TIPIN: variants seen among roughly 807,000 people sequenced by gnomAD.
TIPIN encodes the protein TIMELESS-interacting protein.
In TIPIN, 29 loss-of-function variants were observed where a neutral mutation model predicts 35.6. The observed-to-expected ratio is 0.82, with a 90% CI of 0.61 to 1.11. The LOEUF (loss-of-function observed/expected upper bound fraction) is 1.11. Ranked by LOEUF, TIPIN falls within the 50% of genes most tolerant of loss-of-function variation. TIPIN has a pLI of 0.00. For missense variants in TIPIN, 296 were observed against 345.4 expected (o/e 0.86, Z 1.13); for synonymous variants, 102 against 121.5 (o/e 0.84, Z 1.06).
At chr15:66,370,483 G>A (rs1048865886) in intron 1 of TIPIN, among the ~76,000 whole-genome samples, 15 of 151,176 alleles carry the variant, frequency 9.9e-5, no homozygotes, top group Admixed American at 2.7e-4. Flanking sequence ...GGCTGGAGGG[G>A]AGGAGGGCCA....
chr15:66,374,093 T>G (rs913057339), intron 1 of TIPIN, among the ~76,000 whole-genome samples: 1 of 152,130 alleles, frequency 6.6e-6, no homozygotes. Flanking sequence ...AAACATTTAC[T>G]ATTTAGATTG....
intron 2 of TIPIN, 112 bp from the exon 3 acceptor site, chr15:66,352,319 A>C: frequency 2.5e-6 from 2 of 808,866 alleles, no homozygotes; most frequent in Non-Finnish European, 3.8e-6. Context: ...CTTTTTTTGA[A>C]ACAGGGTCTC....
chr15:66,366,779 A>AAAAG (rs1292433173), intron 1 of TIPIN: 109 of 944,706 alleles, frequency 1.2e-4, no homozygotes, highest in East Asian at 4.6e-4. Context: ...AAAAAAAAAA[A>AAAAG]AAAGAAAGAA....
chr15:66,344,983 T>A (rs557946400), intron 6 of TIPIN, among the ~76,000 whole-genome samples: 1 of 152,314 alleles, frequency 6.6e-6, no homozygotes, highest in African/African-American at 2.4e-5. Context: ...GCTAGAAATA[T>A]TCAGTGTGTT....
intron 1 of TIPIN, 54 bp from the exon 2 acceptor site, chr15:66,353,009 T>C (rs2093179064): frequency 2.0e-6 from 3 of 1,528,662 alleles, no homozygotes; most frequent in Admixed American, 1.9e-5. Flanking sequence ...CTCCACTATA[T>C]AGACAAGTTC....
At chr15:66,349,928 G>C (rs2093155508) in intron 4 of TIPIN, among the ~76,000 whole-genome samples, 1 of 150,958 alleles carries the variant, frequency 6.6e-6, no homozygotes, top group Non-Finnish European at 1.5e-5. Flanking sequence ...CAGTCTAAAA[G>C]AGCACTGGAT....
In TIPIN at chr15:66,364,268, C is replaced by T. The variant is rs545933318; in HGVS notation, c.-8-11313G>A. ...GCAACCTCTGCCTCCCGAGTTCAAG[C>T]AATTCTCCTGTCTCAGCCTCCCAAG... On this transcript the variant is annotated intron_variant, in intron 1 of 7. Transcript: ENST00000562124. 4.1e-5 allele frequency among the ~76,000 whole-genome samples: 6 copies of T among 146,436 alleles called. No homozygotes were observed. In the East Asian group the frequency reaches 1.3e-3, roughly 31 times the overall value.
chr15:66,386,279 G>A (rs1197589926), intron 1 of TIPIN: 1 of 150,518 alleles, frequency 6.6e-6, no homozygotes. Flanking sequence ...GCAACTGAGG[G>A]AGACACCGTC....
chr15:66,384,486 G>A (rs909816321), intron 1 of TIPIN, among the ~76,000 whole-genome samples: 1 of 152,096 alleles, frequency 6.6e-6, no homozygotes, highest in Non-Finnish European at 1.5e-5. Context: ...TAGAGACGGG[G>A]TTTCACCATG....
intron 6 of TIPIN, among the ~76,000 whole-genome samples, chr15:66,344,431 T>C (rs1455073018): frequency 6.9e-6 from 1 of 144,482 alleles, no homozygotes; most frequent in Non-Finnish European, 1.5e-5. Flanking sequence ...CAAAAAAAAG[T>C]AAAAAAAAAA....
chr15:66,379,985 CT>C, intron 1 of TIPIN: 1 of 480,500 alleles, frequency 2.1e-6, no homozygotes, highest in Non-Finnish European at 3.6e-6. Context: ...ACCTTCATTT[CT>C]TTTCTTTCTT....
Position 66,337,078 on chromosome 15 carries a change from A to G in TIPIN, c.786T>C (p.Asn262=), listed in dbSNP as rs1451650530. The change falls in exon 8 of 8, where the codon AAT becomes AAC. Residue 262 remains asparagine (N), a synonymous_variant. Transcript: ENST00000261881. ...TATTGGCAATAGCATCATTACATGG[A>G]TTGTCCAGAATGTCTTCGTTTAATC... ...SNGLNEDILD[N]PCNDAIANTL... 1.9e-6 allele frequency: 3 copies of G among 1,613,964 alleles called. No homozygotes were observed. Among genetic ancestry groups the G allele is most frequent in the Non-Finnish European group, 2.5e-6 (3 of 1,180,010 alleles).
chr15:66,372,290 G>A (rs545960666), intron 1 of TIPIN, among the ~76,000 whole-genome samples: 1 of 152,286 alleles, frequency 6.6e-6, no homozygotes, highest in African/African-American at 2.4e-5. Flanking sequence ...GACTAGGTTT[G>A]CCAGGTTTTG....
At chr15:66,355,032 T>C (rs2140469450) in intron 1 of TIPIN, among the ~76,000 whole-genome samples, 1 of 146,090 alleles carries the variant, frequency 6.8e-6, no homozygotes, top group East Asian at 2.0e-4. Context: ...TATATCTTTT[T>C]TTTTTTTTTT....
chr15:66,353,615 CA>C (rs761338015), intron 1 of TIPIN, among the ~76,000 whole-genome samples: 1,198 of 99,806 alleles, frequency 0.012, 5 homozygotes, highest in African/African-American at 0.019. Context: ...CACTCTGTCT[CA>C]AAAAAAAAAA....
chr15:66,344,698 A>G (rs2093111705), intron 6 of TIPIN, among the ~76,000 whole-genome samples: 1 of 150,012 alleles, frequency 6.7e-6, no homozygotes, highest in African/African-American at 2.5e-5. Flanking sequence ...AAAAAAAAAA[A>G]GAAAAAAAAA....
At chr15:66,378,993 C>G (rs556790543) in intron 1 of TIPIN, among the ~76,000 whole-genome samples, 1 of 152,268 alleles carries the variant, frequency 6.6e-6, no homozygotes. Context: ...CTCCTGGCCT[C>G]AGGCAATTCT....
At chr15:66,353,267 T>C (rs2093180553) in intron 1 of TIPIN, among the ~76,000 whole-genome samples, 1 of 151,736 alleles carries the variant, frequency 6.6e-6, no homozygotes, top group African/African-American at 2.4e-5. Context: ...TCCAATAGGG[T>C]ATGAAATACG....
chr15:66,383,996 AATTT>A (rs752601454), intron 1 of TIPIN, among the ~76,000 whole-genome samples: 98 of 152,046 alleles, frequency 6.4e-4, no homozygotes, highest in Non-Finnish European at 1.1e-3. Context: ...TTATTTATTT[AATTT>A]ATTTATTTAT....
Sources: gnomAD v4.1 joint callset for allele counts (sites outside exome capture counted in the v4.1 genomes callset) on GRCh38, gnomAD v4.1.1 for gene constraint, MANE v1.5 for transcripts, NCBI Gene and HGNC (gene_info 2026-07-23, HGNC 2026-07-21) for gene names.